COL6A2: variants seen among roughly 807,000 people sequenced by gnomAD.
The protein encoded by COL6A2 is collagen alpha-2(VI) chain.
Under a neutral mutation model 124.9 loss-of-function variants are expected in COL6A2, and 90 were observed. The ratio of observed to expected loss-of-function variants is 0.72; its 90% CI spans 0.61 to 0.86. The LOEUF is 0.86. COL6A2 is among the 40% of genes least tolerant of loss of function. COL6A2 has a pLI of 0.00. For synonymous variants in COL6A2, 793 were observed against 618.2 expected, an observed-to-expected ratio of 1.28 and a Z score of -4.19; for missense variants, 1,607 against 1,502.5, an observed-to-expected ratio of 1.07 and a Z score of -1.15.
Position 46,116,092 on chromosome 21 carries a change from G to A in COL6A2, c.900+39G>A, listed in dbSNP as rs1290255095. ...GCCAGGGGCTTGGCTCCACCCTGAG[G>A]CCCCAGCACTGCCAGGCAGGCTCCC... On this transcript the variant is annotated intron_variant, in intron 7 of 27. Coordinates refer to ENST00000300527, the MANE Select transcript of COL6A2 (RefSeq NM_001849.4). This position sits in a 1 kb window ranked among gnomAD's most constrained non-coding sequence, Gnocchi z 4.6. 1.9e-6 allele frequency: 3 copies of A among 1,550,256 alleles called. No homozygotes were observed. The highest frequency in any genetic ancestry group is 2.4e-5 in the East Asian group (1 of 41,086).
Position 46,116,274 on chromosome 21 carries a change from C to T in COL6A2, c.901-103C>T, listed in dbSNP as rs2078468972. The stretch of plus-strand genomic sequence containing the variant: ...ACTGTTTGTCGAGAACACTAGATGC[C>T]AGCGGCCCACCGAGCACTCCCCTCA... On this transcript the variant is annotated intron_variant, in intron 7 of 27. Transcript: ENST00000300527. This position sits in a 1 kb window ranked among gnomAD's most constrained non-coding sequence, Gnocchi z 4.6. 7.3e-7 allele frequency: 1 copy of T among 1,371,532 alleles called. No individual in the cohort carries two copies. The highest frequency in any genetic ancestry group is 2.4e-5 in the East Asian group (1 of 41,582). 85.0% of individuals were successfully genotyped at this position (1,371,532 alleles called of 1,614,324 possible).
chr21:46,108,360 G>A (rs956532009), intron 1 of COL6A2, among the ~76,000 whole-genome samples: 16 of 152,078 alleles, frequency 1.1e-4, no homozygotes, highest in Non-Finnish European at 2.1e-4. Context: ...TTAGATCTAC[G>A]AATGGAATCC....
At chr21:46,131,807 G>GTTT (rs2078763467) in intron 27 of COL6A2, 147 bp from the exon 28 acceptor site, 2 of 745,664 alleles carry the variant, frequency 2.7e-6, no homozygotes, top group African/African-American at 3.5e-5. Context: ...CACACCCAGG[G>GTTT]CTGCCCTGCA....
At chr21:46,105,003 A>T (rs752928971) in intron 1 of COL6A2, among the ~76,000 whole-genome samples, 12 of 152,222 alleles carry the variant, frequency 7.9e-5, no homozygotes, top group African/African-American at 2.9e-4. Context: ...GTTCCTTACC[A>T]CTAGACCTGC....
intron 21 of COL6A2, among the ~76,000 whole-genome samples, chr21:46,123,697 G>A (rs111213157): frequency 0.8 from 120,018 of 150,184 alleles, 48,110 homozygotes; most frequent in East Asian, 0.88. Context: ...AGGTGGGTAG[G>A]TGGGTAGATG....
At chr21:46,103,953 C>G (rs984017628) in intron 1 of COL6A2, among the ~76,000 whole-genome samples, 6 of 152,090 alleles carry the variant, frequency 3.9e-5, no homozygotes, top group Non-Finnish European at 7.4e-5. Flanking sequence ...CAAAAGCAAC[C>G]ATATATGTGG....
chr21:46,126,842 A>G (rs2123668667), intron 27 of COL6A2, among the ~76,000 whole-genome samples: 1 of 152,274 alleles, frequency 6.6e-6, no homozygotes, highest in East Asian at 1.9e-4. Context: ...TGGGCCTTGC[A>G]GTCTCCCTCA....
At chr21:46,105,224 A>G (rs2078324320) in intron 1 of COL6A2, among the ~76,000 whole-genome samples, 2 of 152,120 alleles carry the variant, frequency 1.3e-5, no homozygotes, top group African/African-American at 2.4e-5. Context: ...TAAAATAAAA[A>G]TATTTTTAAA....
intron 1 of COL6A2, among the ~76,000 whole-genome samples, chr21:46,101,847 A>ATTTTTT (rs56083556): frequency 2.8e-5 from 2 of 71,506 alleles, no homozygotes; most frequent in African/African-American, 6.4e-5. Flanking sequence ...ATCTTTCACG[A>ATTTTTT]TTTTTTTTTT....
At chr21:46,127,035 C>T (rs1288038146) in intron 27 of COL6A2, among the ~76,000 whole-genome samples, 1 of 152,214 alleles carries the variant, frequency 6.6e-6, no homozygotes, top group African/African-American at 2.4e-5. Flanking sequence ...AGTGGGGGAG[C>T]CCATGTCCCG....
Position 46,126,052 on chromosome 21 carries a change from C to A in COL6A2, c.2237C>A (p.Ala746Glu). ...CGGGACGATGACCTCAACTTGCGGG[C>A]GCTGTGCGACCGCGACGTCACAGTG... ...DPRDDDLNLR[A>E]LCDRDVTVTA... Residue 746 changes from alanine to glutamate, a missense_variant, in exon 26 of 28, where the codon GCG becomes GAG. By Grantham distance (107) the Ala-to-Glu change is moderately radical (BLOSUM62 -1). Coordinates refer to ENST00000300527, the MANE Select transcript of COL6A2 (RefSeq NM_001849.4). 1 of 1,613,024 alleles carries A rather than the reference C, an allele frequency of 6.2e-7. No homozygotes were observed.
Position 46,126,186 on chromosome 21 carries a change from G to A in COL6A2, c.2371G>A (p.Asp791Asn), listed in dbSNP as rs1273249543. The A allele has an allele frequency of 6.9e-6, 11 of 1,605,354 alleles. No individual in the cohort carries two copies. Among genetic ancestry groups the A allele is most frequent in the Middle Eastern group, 1.6e-4 (1 of 6,062 alleles). ...GGTGCGCAACATGACGCTGTTCTCCGACCTGGTCGCTGAGAAGTTCATCGA... is the reference window on the plus strand; with the variant it reads ...GGTGCGCAACATGACGCTGTTCTCCAACCTGGTCGCTGAGAAGTTCATCGA... ...QQVRNMTLFS[D>N]LVAEKFIDDM... Residue 791 changes from aspartate to asparagine, a missense_variant, in exon 26 of 28, where the codon GAC becomes AAC. Physicochemically the swap from Asp to Asn is conservative, Grantham distance 23. Coordinates refer to ENST00000300527, the MANE Select transcript of COL6A2 (RefSeq NM_001849.4).
chr21:46,111,420 G>A, intron 1 of COL6A2, 30 bp from the exon 2 acceptor site: 4 of 1,341,740 alleles, frequency 3.0e-6, no homozygotes, highest in Non-Finnish European at 4.3e-6. Flanking sequence ...GGCACTGGGG[G>A]TGTCTGAGCG....
chr21:46,129,416 G>A (rs143271478), intron 27 of COL6A2: 281 of 1,612,384 alleles, frequency 1.7e-4, no homozygotes, highest in Middle Eastern at 3.3e-4. Flanking sequence ...ACTGGATGGA[G>A]CTGTTCATTG....
chr21:46,126,594 G>A (rs955422767), intron 27 of COL6A2, 53 bp downstream of exon 27: 3 of 1,609,798 alleles, frequency 1.9e-6, no homozygotes, highest in African/African-American at 1.3e-5. Context: ...CAGCCCTGGT[G>A]TCCTTCCTCC....
At chr21:46,125,104 G>A (rs1357992903) in intron 23 of COL6A2, among the ~76,000 whole-genome samples, 162 bp from the exon 24 acceptor site, 1 of 152,106 alleles carries the variant, frequency 6.6e-6, no homozygotes, top group South Asian at 2.1e-4. Flanking sequence ...GTGGGGGGAG[G>A]AGGGTGGCAG....
intron 4 of COL6A2, 169 bp from the exon 5 acceptor site, chr21:46,113,839 A>G: frequency 1.4e-6 from 1 of 690,948 alleles, no homozygotes; most frequent in Non-Finnish European, 2.6e-6. Flanking sequence ...GCAGAGCCTC[A>G]CAGCACCCCA....
At chr21:46,131,176 G>A (rs970102995) in intron 27 of COL6A2, among the ~76,000 whole-genome samples, 1 of 152,210 alleles carries the variant, frequency 6.6e-6, no homozygotes, top group Non-Finnish European at 1.5e-5. Context: ...TCTTGGTGAG[G>A]CCACAGGGCC....
chr21:46,128,097 T>C (rs12626746), intron 27 of COL6A2, among the ~76,000 whole-genome samples: 98,535 of 152,128 alleles, frequency 0.65, 32,022 homozygotes, highest in Admixed American at 0.69. Flanking sequence ...CGTAGGGTCC[T>C]GTGGTGGCTC....
Sources: gnomAD v4.1 joint callset for allele counts (sites outside exome capture counted in the v4.1 genomes callset) on GRCh38, gnomAD v4.1.1 for gene constraint, Gnocchi (gnomAD v3.1) non-coding constraint, MANE v1.5 for transcripts, NCBI Gene and HGNC (gene_info 2026-07-23, HGNC 2026-07-21) for gene names.